Variants in VIT observed in about 807,000 individuals in gnomAD.
VIT encodes vitrin.
A neutral mutation model predicts 78.0 loss-of-function variants in VIT; 99 were observed. That is an observed-to-expected ratio of 1.27 (90% CI 1.08 to 1.50). The LOEUF (loss-of-function observed/expected upper bound fraction) is 1.50. Among genes scored for constraint, VIT ranks in the 40% most tolerant of loss-of-function variants. VIT has a pLI of 0.00. For missense variants in VIT, 1,126 were observed against 875.3 expected (o/e 1.29, Z -3.61); for synonymous variants, 374 against 334.3 (o/e 1.12, Z -1.29).
At chr2:36,730,523 A>G (rs988807756) in intron 3 of VIT, among the ~76,000 whole-genome samples, 4 of 152,178 alleles carry the variant, frequency 2.6e-5, no homozygotes, top group Non-Finnish European at 4.4e-5. Flanking sequence ...GAAGGGATGA[A>G]GAAGGGCACA....
rs946715265 is a variant in VIT, at chr2:36,808,407, G to C, written c.1390-65G>C. ...TTCTTCACCTGCCCCGGGGGATCAAGCCTAATGGTGACACTGGAGGATTTG... is the reference window on the plus strand; with the variant it reads ...TTCTTCACCTGCCCCGGGGGATCAACCCTAATGGTGACACTGGAGGATTTG... On this transcript the variant is annotated intron_variant, in intron 14 of 15. Coordinates refer to ENST00000379242, the MANE Select transcript of VIT (RefSeq NM_053276.4). The C allele has an allele frequency of 2.9e-5, 45 of 1,536,626 alleles. 1 individual carries two copies. The Admixed American group carries it at 7.6e-4, about 26-fold the overall frequency.
chr2:36,738,276 A>G (rs1041758664), intron 3 of VIT, among the ~76,000 whole-genome samples: 1 of 152,146 alleles, frequency 6.6e-6, no homozygotes, highest in African/African-American at 2.4e-5. Context: ...GGAGCTGGCA[A>G]AGCTTTGGGT....
At chr2:36,795,228 G>A (rs1249537822) in intron 12 of VIT, among the ~76,000 whole-genome samples, 4 of 152,054 alleles carry the variant, frequency 2.6e-5, no homozygotes, top group Non-Finnish European at 5.9e-5. Flanking sequence ...TCTCAAACTT[G>A]TAATTCCAGG....
intron 9 of VIT, among the ~76,000 whole-genome samples, chr2:36,777,054 A>T (rs1370442178): frequency 7.7e-6 from 1 of 129,762 alleles, no homozygotes. Context: ...ACGCCACTGC[A>T]CTCCAGCCTG....
intron 2 of VIT, among the ~76,000 whole-genome samples, chr2:36,717,912 G>C (rs1666266216): frequency 6.6e-6 from 1 of 152,224 alleles, no homozygotes; most frequent in African/African-American, 2.4e-5. Flanking sequence ...AGGGCTGCAA[G>C]GGAGGAATCT....
chr2:36,804,711 TC>T (rs1666579789), intron 13 of VIT, among the ~76,000 whole-genome samples: 1 of 152,064 alleles, frequency 6.6e-6, no homozygotes, highest in South Asian at 2.1e-4. Context: ...GTGCCTGTAG[TC>T]CCAGCTACTT....
intron 12 of VIT, among the ~76,000 whole-genome samples, chr2:36,792,752 C>T (rs1665591139): frequency 6.6e-6 from 1 of 152,150 alleles, no homozygotes; most frequent in African/African-American, 2.4e-5. Context: ...TCCAGTGAAG[C>T]CCAGTCCCCC....
rs1665063043 is a variant in VIT at position 36,785,918 on chromosome 2, CA to C, written c.911-1210del. Among the ~76,000 whole-genome samples the C allele has an allele frequency of 2.6e-5, 4 of 152,228 alleles. No homozygotes were observed. In the South Asian group the frequency reaches 8.3e-4, roughly 32 times the overall value. On this transcript the variant is annotated intron_variant, in intron 11 of 15. Coordinates refer to ENST00000379242, the MANE Select transcript of VIT (RefSeq NM_053276.4). ...GCTCAAAACTTTGTCAACTCATGTT[CA>C]TTTATTGCTTTCATCTTTAAAACAA... is the stretch of plus-strand genomic sequence containing the variant.
At position 36,767,119 on chromosome 2, in the gene VIT, G is replaced by A. The variant is rs1344626878; in HGVS notation, c.513G>A (p.Arg171=). ...GTGAGACCACAAAAGCCTATCAGAG[G>A]CCACCTATTCCAGGGACAACTGCAC... ...QAGETTKAYQ[R]PPIPGTTAQP... The change falls in exon 7 of 16, where the codon AGG becomes AGA. Residue 171 remains arginine (R), a synonymous_variant. Coordinates refer to ENST00000379242, the MANE Select transcript of VIT (RefSeq NM_053276.4). The A allele has an allele frequency of 1.2e-6, 2 of 1,603,366 alleles. No individual in the cohort carries two copies. Among genetic ancestry groups the A allele is most frequent in the Middle Eastern group, 1.7e-4 (1 of 6,060 alleles).
chr2:36,734,751 C>T (rs1479194480), intron 3 of VIT, among the ~76,000 whole-genome samples: 1 of 152,126 alleles, frequency 6.6e-6, no homozygotes, highest in East Asian at 1.9e-4. Flanking sequence ...TTTGTCTTCT[C>T]ACCCCTTTTT....
chr2:36,812,995 G>A (rs1279708591), intron 15 of VIT, among the ~76,000 whole-genome samples: 2 of 145,452 alleles, frequency 1.4e-5, no homozygotes, highest in East Asian at 4.1e-4. Context: ...CCGAGTAGCT[G>A]GGACTACAGG....
intron 6 of VIT, among the ~76,000 whole-genome samples, chr2:36,760,906 T>A (rs972757846): frequency 6.6e-6 from 1 of 152,060 alleles, no homozygotes. Context: ...ACCTCCCTCC[T>A]CGCATTTTGC....
chr2:36,767,132 G>A lies in VIT; in HGVS notation c.526G>A (p.Gly176Arg). 1 of 1,606,474 alleles carries A rather than the reference G, an allele frequency of 6.2e-7. No homozygotes were observed. The highest frequency in any genetic ancestry group is 8.5e-7 in the Non-Finnish European group (1 of 1,176,816). The change falls in exon 7 of 16, where the codon GGG becomes AGG. Residue 176 changes from glycine (G) to arginine (R), a missense_variant. By Grantham distance (125) the Gly-to-Arg change is moderately radical. Coordinates refer to ENST00000379242, the MANE Select transcript of VIT (RefSeq NM_053276.4). ...TKAYQRPPIP[G>R]TTAQPVTLMQ... is the part of the protein sequence containing the mutation. ...AGCCTATCAGAGGCCACCTATTCCA[G>A]GGACAACTGCACAGCCGGTCACTCT...
intron 12 of VIT, among the ~76,000 whole-genome samples, chr2:36,794,178 T>C (rs1225434215): frequency 1.3e-5 from 2 of 152,184 alleles, no homozygotes; most frequent in African/African-American, 4.8e-5. Context: ...AATTCCTTCT[T>C]TTTAGGCATG....
intron 4 of VIT, among the ~76,000 whole-genome samples, chr2:36,753,306 T>C (rs1668577139): frequency 6.6e-6 from 1 of 151,984 alleles, no homozygotes; most frequent in Admixed American, 6.6e-5. Context: ...AAAAACACCA[T>C]GGCACGTGCT....
At chr2:36,756,757 G>T (rs547045582) in intron 5 of VIT, among the ~76,000 whole-genome samples, 1 of 152,144 alleles carries the variant, frequency 6.6e-6, no homozygotes, top group Non-Finnish European at 1.5e-5. Context: ...CTAATGTCTC[G>T]AATACAAATA....
intron 7 of VIT, 57 bp from the exon 8 acceptor site, chr2:36,773,734 A>AATT: frequency 7.3e-7 from 1 of 1,378,908 alleles, no homozygotes; most frequent in Non-Finnish European, 9.6e-7. Context: ...AAAAATAAAT[A>AATT]AATTAATTAA....
chr2:36,741,150 A>G (rs2148512670), intron 3 of VIT, among the ~76,000 whole-genome samples: 1 of 152,352 alleles, frequency 6.6e-6, no homozygotes, highest in Middle Eastern at 3.4e-3. Context: ...AGAGTTGAAC[A>G]CACAGTTACA....
chr2:36,745,956 C>G (rs895252765), intron 4 of VIT, among the ~76,000 whole-genome samples: 1 of 152,030 alleles, frequency 6.6e-6, no homozygotes, highest in Non-Finnish European at 1.5e-5. Context: ...ATAGATAGCT[C>G]TTATTATTTT....
Sources: allele counts gnomAD v4.1 joint callset (sites outside exome capture counted in the v4.1 genomes callset), GRCh38; gene constraint gnomAD v4.1.1; transcripts MANE v1.5; gene names NCBI Gene and HGNC (gene_info 2026-07-23, HGNC 2026-07-21).